Variants in BTRC observed in about 807,000 individuals in gnomAD.
The protein encoded by BTRC is beta-transducin repeat containing E3 ubiquitin protein ligase.
BTRC carries 42 observed loss-of-function variants against 85.5 expected under a neutral mutation model. The observed-to-expected ratio is 0.49, with a 90% CI of 0.38 to 0.64. The LOEUF is 0.64. BTRC is among the 30% of genes least tolerant of loss of function. The probability of loss-of-function intolerance (pLI) is 0.00; values close to 1 mark genes in which losing one functional copy is unlikely to be tolerated. For synonymous variants in BTRC, 255 were observed against 263.3 expected (o/e 0.97, Z 0.30); for missense variants, 594 against 743.5 (o/e 0.80, Z 2.34).
intron 4 of BTRC, among the ~76,000 whole-genome samples, chr10:101,486,898 GT>G (rs1946004204): frequency 6.6e-6 from 1 of 152,132 alleles, no homozygotes; most frequent in Non-Finnish European, 1.5e-5. Flanking sequence ...TTACTGAAGG[GT>G]TTAAATCTCA....
intron 4 of BTRC, among the ~76,000 whole-genome samples, chr10:101,503,641 A>G (rs1946447856): frequency 6.6e-6 from 1 of 152,186 alleles, no homozygotes; most frequent in Non-Finnish European, 1.5e-5. Context: ...TACTTCATTC[A>G]CTGCAGCTAA....
intron 13 of BTRC, among the ~76,000 whole-genome samples, chr10:101,544,115 T>C (rs1379487288): frequency 6.6e-6 from 1 of 152,170 alleles, no homozygotes; most frequent in Non-Finnish European, 1.5e-5. Context: ...TTCACCATGT[T>C]AGCCAAGATG....
chr10:101,355,058 G>C (rs1941994604), intron 1 of BTRC, among the ~76,000 whole-genome samples: 1 of 152,192 alleles, frequency 6.6e-6, no homozygotes, highest in Admixed American at 6.5e-5. Flanking sequence ...GGAAACATGG[G>C]TACAGGAGAT....
At position 101,367,991 on chromosome 10, in the gene BTRC, A is replaced by T. The variant is rs186889842; in HGVS notation, c.48+13763A>T. 1.2e-3 allele frequency among the ~76,000 whole-genome samples: 184 copies of T among 152,192 alleles called. 1 individual carries two copies. The highest frequency in any genetic ancestry group is 3.7e-3 in the South Asian group (18 of 4,824). The stretch of plus-strand genomic sequence containing the variant: ...GAATCGCTGGGTCACAGGGTATGAA[A>T]ATGTTTAGCTTTATGCTATGGTTTG... On this transcript the variant is annotated intron_variant, in intron 1 of 14. Transcript: ENST00000370187.
chr10:101,431,716 G>A (rs1387280085), intron 2 of BTRC, among the ~76,000 whole-genome samples: 1 of 152,038 alleles, frequency 6.6e-6, no homozygotes, highest in African/African-American at 2.4e-5. Context: ...CTAAAAGAGG[G>A]GAACTTAGGT....
chr10:101,390,353 T>C (rs75628824), intron 1 of BTRC, among the ~76,000 whole-genome samples: 32 of 142,706 alleles, frequency 2.2e-4, no homozygotes, highest in African/African-American at 4.3e-4. Flanking sequence ...TTTTTTTTTT[T>C]CCGAGACGGA....
chr10:101,461,778 T>C lies in BTRC; in HGVS notation c.157-203T>C, dbSNP rs538087766. Among the ~76,000 whole-genome samples, 38 of 152,338 alleles carry C rather than the reference T, an allele frequency of 2.5e-4. 2 individuals carry two copies. The South Asian group carries it at 3.7e-3, about 15-fold the overall frequency. ...ATACATGAAATACTTCCCATCTAAA[T>C]CCTTACATAATTTATTTATATACAT... is the stretch of plus-strand genomic sequence containing the variant. On this transcript the variant is annotated intron_variant, in intron 2 of 14. Transcript: ENST00000370187.
At chr10:101,406,524 CTTTTTTTTTTTTTTTTT>C (rs58902120) in intron 1 of BTRC, among the ~76,000 whole-genome samples, 3 of 50,426 alleles carry the variant, frequency 5.9e-5, no homozygotes, top group African/African-American at 7.9e-5. Context: ...TCTCAGGTTT[CTTTTTTTTTTTTTTTTT>C]TTTTTTTTTT....
At chr10:101,361,849 G>A (rs905795465) in intron 1 of BTRC, among the ~76,000 whole-genome samples, 5 of 152,208 alleles carry the variant, frequency 3.3e-5, no homozygotes, top group Admixed American at 6.5e-5. Flanking sequence ...CTAGTTCCTG[G>A]ATTACCTTTA....
chr10:101,422,314 G>T (rs1384405560), intron 1 of BTRC, among the ~76,000 whole-genome samples: 1 of 151,852 alleles, frequency 6.6e-6, no homozygotes, highest in Non-Finnish European at 1.5e-5. Context: ...TTGTTGATGG[G>T]GTTGTTTGTT....
chr10:101,447,703 A>C (rs1458120786), intron 2 of BTRC, among the ~76,000 whole-genome samples: 1 of 152,156 alleles, frequency 6.6e-6, no homozygotes. Context: ...TTATAGTAAC[A>C]GATTAGTAAT....
intron 3 of BTRC, among the ~76,000 whole-genome samples, chr10:101,466,046 G>A (rs1945362926): frequency 6.6e-6 from 1 of 152,176 alleles, no homozygotes; most frequent in African/African-American, 2.4e-5. Context: ...GCAAAGGCCT[G>A]GGAGGATACA....
intron 1 of BTRC, among the ~76,000 whole-genome samples, chr10:101,418,621 C>CT (rs143127569): frequency 0.14 from 20,770 of 150,546 alleles, 1,828 homozygotes; most frequent in Non-Finnish European, 0.2. Context: ...CTCACATCTG[C>CT]TTTTTTTTTG....
chr10:101,395,950 A>C (rs1465074268), intron 1 of BTRC, among the ~76,000 whole-genome samples: 1 of 152,008 alleles, frequency 6.6e-6, no homozygotes, highest in Admixed American at 6.6e-5. Context: ...ATTCATAGGT[A>C]TTTTTTATAT....
At chr10:101,383,057 A>ATTTTT (rs370353886) in intron 1 of BTRC, among the ~76,000 whole-genome samples, 13 of 116,484 alleles carry the variant, frequency 1.1e-4, no homozygotes, top group South Asian at 2.9e-4. Context: ...TTCCCTGGAG[A>ATTTTT]TTTTTTTTTT....
chr10:101,414,588 G>C (rs933667592), intron 1 of BTRC: 3 of 509,372 alleles, frequency 5.9e-6, no homozygotes, highest in Non-Finnish European at 1.2e-5. Context: ...TCCTTCAGGA[G>C]GTATTCCAGA....
intron 4 of BTRC, among the ~76,000 whole-genome samples, chr10:101,492,279 A>G (rs1042230087): frequency 1.3e-5 from 2 of 152,190 alleles, no homozygotes; most frequent in African/African-American, 2.4e-5. Context: ...AGCAAGCCAA[A>G]AGGGAAATAT....
intron 1 of BTRC, among the ~76,000 whole-genome samples, chr10:101,386,253 ATG>A (rs541198009): frequency 1.6e-4 from 24 of 152,334 alleles, no homozygotes; most frequent in Non-Finnish European, 2.4e-4. Context: ...AACCAAGCAA[ATG>A]CCCAGCAAGG....
chr10:101,450,612 GC>G (rs1414413040), intron 2 of BTRC, among the ~76,000 whole-genome samples: 1 of 152,066 alleles, frequency 6.6e-6, no homozygotes, highest in East Asian at 1.9e-4. Context: ...TACATTAACA[GC>G]CCATGTCACT....
Sources: allele counts gnomAD v4.1 joint callset (sites outside exome capture counted in the v4.1 genomes callset), GRCh38; gene constraint gnomAD v4.1.1; transcripts MANE v1.5; gene names NCBI Gene and HGNC (gene_info 2026-07-23, HGNC 2026-07-21).